GPC5: variants seen among roughly 807,000 people sequenced by gnomAD.
GPC5 encodes the protein glypican 5.
In GPC5, 47 loss-of-function variants were observed where a neutral mutation model predicts 53.9. The observed-to-expected ratio is 0.87, with a 90% CI of 0.69 to 1.11. GPC5 has a LOEUF of 1.11. Among genes scored for constraint, GPC5 ranks in the 50% most tolerant of loss-of-function variants. The pLI is 0.00. For synonymous variants in GPC5, 286 were observed against 263.3 expected (o/e 1.09, Z -0.84); for missense variants, 748 against 713.1 (o/e 1.05, Z -0.56).
At chr13:91,614,105 AT>A (rs762634322) in intron 2 of GPC5, among the ~76,000 whole-genome samples, 6 of 152,230 alleles carry the variant, frequency 3.9e-5, no homozygotes, top group Non-Finnish European at 7.3e-5. Flanking sequence ...GAGCAGTTGC[AT>A]TTGAATTGGT....
intron 6 of GPC5, among the ~76,000 whole-genome samples, chr13:92,076,649 AT>A (rs200688603): frequency 0.035 from 5,224 of 148,536 alleles, 310 homozygotes; most frequent in African/African-American, 0.12. Flanking sequence ...CATCAGATGG[AT>A]TTTTTTTTTA....
Position 92,250,754 on chromosome 13 carries a change from C to T in GPC5, c.1561+105765C>T, listed in dbSNP as rs144798842. ...GCATCTAAAAACTAGTTTTGGCTAA[C>T]TGATATAATTGGATTTTCAGGGTTT... is the stretch of plus-strand genomic sequence containing the variant. On this transcript the variant is annotated intron_variant, in intron 7 of 7. Coordinates refer to ENST00000377067, the MANE Select transcript of GPC5 (RefSeq NM_004466.6). Among the ~76,000 whole-genome samples the T allele has an allele frequency of 3.9e-5, 6 of 152,018 alleles. No homozygotes were observed. In the East Asian group the frequency reaches 1.2e-3, roughly 29 times the overall value.
chr13:91,841,583 A>G (rs565678922), intron 5 of GPC5, among the ~76,000 whole-genome samples: 2 of 148,844 alleles, frequency 1.3e-5, no homozygotes, highest in East Asian at 1.9e-4. Flanking sequence ...AGAAGTAGTC[A>G]GCTTTAACAA....
intron 5 of GPC5, among the ~76,000 whole-genome samples, chr13:91,878,781 CTG>C (rs1477573955): frequency 6.6e-6 from 1 of 152,180 alleles, no homozygotes; most frequent in Non-Finnish European, 1.5e-5. Context: ...CCATGTGGAA[CTG>C]TGAGTCAGTT....
At chr13:92,214,649 C>A (rs1219164484) in intron 7 of GPC5, among the ~76,000 whole-genome samples, 2 of 152,210 alleles carry the variant, frequency 1.3e-5, no homozygotes, top group Non-Finnish European at 2.9e-5. Context: ...CCTGTGCCAT[C>A]TCTCTTTCCC....
chr13:92,280,773 C>A (rs1273712682), intron 7 of GPC5, among the ~76,000 whole-genome samples: 2 of 152,022 alleles, frequency 1.3e-5, no homozygotes, highest in East Asian at 3.9e-4. Context: ...GGGGCGGTTG[C>A]AAGATGGCCT....
chr13:92,006,631 T>A (rs2040609167), intron 6 of GPC5, among the ~76,000 whole-genome samples: 1 of 152,148 alleles, frequency 6.6e-6, no homozygotes, highest in South Asian at 2.1e-4. Context: ...ACATTTACCT[T>A]TAAGTTACTT....
At chr13:91,726,501 T>C (rs2036579085) in intron 3 of GPC5, among the ~76,000 whole-genome samples, 1 of 152,226 alleles carries the variant, frequency 6.6e-6, no homozygotes, top group Non-Finnish European at 1.5e-5. Context: ...ATCTTTTCTC[T>C]GACTTACCCT....
At chr13:92,001,687 G>T (rs1421938410) in intron 6 of GPC5, among the ~76,000 whole-genome samples, 3 of 152,092 alleles carry the variant, frequency 2.0e-5, no homozygotes, top group African/African-American at 7.2e-5. Flanking sequence ...TATTGTAAAA[G>T]TTAAATCGTA....
chr13:91,609,207 A>G (rs1182642439), intron 2 of GPC5, among the ~76,000 whole-genome samples: 1 of 151,106 alleles, frequency 6.6e-6, no homozygotes, highest in Non-Finnish European at 1.5e-5. Flanking sequence ...TTCTGAATCT[A>G]ATAAGATTCG....
intron 2 of GPC5, among the ~76,000 whole-genome samples, chr13:91,470,729 T>A (rs1438357012): frequency 1.3e-5 from 2 of 152,172 alleles, no homozygotes; most frequent in Non-Finnish European, 1.5e-5. Flanking sequence ...GTAATTAATA[T>A]AACCAATTTT....
In GPC5 at chr13:92,861,470, G is replaced by A. The variant is rs571795187; in HGVS notation, c.1562-4812G>A. On this transcript the variant is annotated intron_variant, in intron 7 of 7. Transcript: ENST00000377067. ...TTGACACTTCATTGTGTGTATGATA[G>A]TACTTATTTGTTGTCCAGTGAAGAA... Among the ~76,000 whole-genome samples the A allele has an allele frequency of 3.8e-4, 58 of 152,232 alleles. 1 individual carries two copies. The South Asian group carries it at 0.012, about 32-fold the overall frequency.
At chr13:91,438,794 GC>G (rs1880189659) in intron 1 of GPC5, among the ~76,000 whole-genome samples, 2 of 152,244 alleles carry the variant, frequency 1.3e-5, no homozygotes, top group South Asian at 4.1e-4. Flanking sequence ...TGCTTGAGCT[GC>G]AGTGGGCTCC....
chr13:92,028,954 T>C (rs2040820930), intron 6 of GPC5, among the ~76,000 whole-genome samples: 1 of 152,168 alleles, frequency 6.6e-6, no homozygotes, highest in South Asian at 2.1e-4. Context: ...TGTCCCAGTA[T>C]GATTATATTT....
chr13:92,353,260 C>A (rs1297161946), intron 7 of GPC5, among the ~76,000 whole-genome samples: 4 of 56,068 alleles, frequency 7.1e-5, no homozygotes, highest in African/African-American at 3.2e-4. Flanking sequence ...GAGCGAGACT[C>A]CGTCTCAAAA....
At chr13:92,286,683 A>C (rs1002417651) in intron 7 of GPC5, among the ~76,000 whole-genome samples, 12 of 147,370 alleles carry the variant, frequency 8.1e-5, no homozygotes, top group African/African-American at 3.0e-4. Flanking sequence ...GGAATTGAAC[A>C]ATGAGAACAC....
chr13:91,618,907 A>G (rs937291878), intron 2 of GPC5, among the ~76,000 whole-genome samples: 12 of 152,112 alleles, frequency 7.9e-5, no homozygotes, highest in African/African-American at 2.7e-4. Flanking sequence ...CATCTGGTAT[A>G]TAGCAAAACA....
intron 7 of GPC5, among the ~76,000 whole-genome samples, chr13:92,254,802 C>T (rs1012915333): frequency 2.0e-5 from 3 of 152,080 alleles, no homozygotes; most frequent in African/African-American, 7.2e-5. Context: ...TGAGAACCCA[C>T]TCAGTATCAC....
intron 7 of GPC5, among the ~76,000 whole-genome samples, chr13:92,790,433 A>G (rs1195935128): frequency 2.6e-5 from 4 of 152,282 alleles, no homozygotes; most frequent in Non-Finnish European, 5.9e-5. Flanking sequence ...ATCTTGAGTG[A>G]CTTTCAAGAG....
Sources: allele counts gnomAD v4.1 joint callset (sites outside exome capture counted in the v4.1 genomes callset), GRCh38; gene constraint gnomAD v4.1.1; transcripts MANE v1.5; gene names NCBI Gene and HGNC (gene_info 2026-07-23, HGNC 2026-07-21).